Variants in PRPF31 observed in about 807,000 individuals in gnomAD.
The protein encoded by PRPF31 is U4/U6 small nuclear ribonucleoprotein Prp31.
In PRPF31, 12 loss-of-function variants were observed where a neutral mutation model predicts 60.4. The observed-to-expected ratio is 0.20, with a 90% CI of 0.13 to 0.32. The LOEUF (loss-of-function observed/expected upper bound fraction) is 0.32, where lower values mean the gene tolerates loss of function less well. Among genes scored for constraint, PRPF31 ranks in the 10% least tolerant of loss-of-function variants. The pLI, the probability that PRPF31 is intolerant of heterozygous loss-of-function variation, is 1.00. For missense variants in PRPF31, 431 were observed against 687.1 expected (o/e 0.63, Z 4.17); for synonymous variants, 287 against 287.9 (o/e 1.00, Z 0.03).
Position 54,129,060 on chromosome 19 carries a change from GAGGAGGACGCCTACC to G in PRPF31, c.1159_1173del (p.Ala387_Asp391del). The G allele has an allele frequency of 6.4e-7, 1 of 1,572,036 alleles. No homozygotes were observed. The highest frequency in any genetic ancestry group is 1.2e-5 in the South Asian group (1 of 85,664). ...GGGCGCCTCCTCTCCCCCCTAGATC[GAGGAGGACGCCTACC>G]AGGAGGACCTGGGATTCAGCCTGGG... On this transcript the variant is annotated inframe_deletion, in exon 12 of 14. Coordinates refer to ENST00000321030, the MANE Select transcript of PRPF31 (RefSeq NM_015629.4).
chr19:54,119,017 A>AC (rs1380535384), intron 3 of PRPF31, among the ~76,000 whole-genome samples: 1 of 152,098 alleles, frequency 6.6e-6, no homozygotes, highest in African/African-American at 2.4e-5. Flanking sequence ...GCAAATTGCT[A>AC]CCATGAATGG....
chr19:54,131,513 G>C lies in PRPF31; in HGVS notation c.*81G>C. On this transcript the variant is annotated 3_prime_UTR_variant, in exon 14 of 14. Coordinates refer to ENST00000321030, the MANE Select transcript of PRPF31 (RefSeq NM_015629.4). ...TTCTGAAGGGCTAGGATCGGGTTCTGGCAGGGAGAACCTGCCCTGCCACTG... is the reference window on the plus strand; with the variant it reads ...TTCTGAAGGGCTAGGATCGGGTTCTCGCAGGGAGAACCTGCCCTGCCACTG... The C allele has an allele frequency of 6.4e-7, 1 of 1,556,878 alleles. No homozygotes were observed. Among genetic ancestry groups the C allele is most frequent in the Non-Finnish European group, 8.7e-7 (1 of 1,147,856 alleles).
At chr19:54,127,987 G>A (rs886227646) in intron 9 of PRPF31, 86 bp from the exon 10 acceptor site, 109 of 1,535,294 alleles carry the variant, frequency 7.1e-5, no homozygotes, top group Non-Finnish European at 8.2e-5. Context: ...ACTAAGGCAC[G>A]TGGATACTCG....
intron 9 of PRPF31, among the ~76,000 whole-genome samples, chr19:54,126,989 A>G (rs1426698026): frequency 6.6e-6 from 1 of 152,148 alleles, no homozygotes; most frequent in Non-Finnish European, 1.5e-5. Context: ...GTGTGGTGGC[A>G]CGCACCTGTA....
At position 54,129,328 on chromosome 19, in the gene PRPF31, C is replaced by T; in HGVS notation, c.1332C>T (p.Arg444=). ...GCGGGAAGTCCACCATCCGCGACCG[C>T]TCCTCGGGCACGGCCTCCAGCGTGG... ...VYGGKSTIRD[R]SSGTASSVAF... Residue 444 remains arginine, a synonymous_variant, in exon 13 of 14, where the codon CGC becomes CGT. Transcript: ENST00000321030. 6.2e-7 allele frequency: 1 copy of T among 1,605,976 alleles called. No individual in the cohort carries two copies. Among genetic ancestry groups the T allele is most frequent in the South Asian group, 1.1e-5 (1 of 90,070 alleles).
At position 54,131,681 on chromosome 19, in the gene PRPF31, GAA is replaced by G; in HGVS notation, c.*252_*253del. On this transcript the variant is annotated 3_prime_UTR_variant, in exon 14 of 14. Transcript: ENST00000321030. ...TTTTAACTGAGAAAGGAGATTTTTT[GAA>G]AAGAGTACAATTAAAAGGACATTGT... is the stretch of plus-strand genomic sequence containing the variant. 1.7e-6 allele frequency: 1 copy of G among 596,706 alleles called. No individual in the cohort carries two copies. Among genetic ancestry groups the G allele is most frequent in the Non-Finnish European group, 3.0e-6 (1 of 336,350 alleles). The allele number at this position is 596,706 out of a possible 1,614,324, so 37.0% of individuals were successfully genotyped here.
At chr19:54,123,038 T>G (rs1173849351) in intron 5 of PRPF31, 9 of 436,860 alleles carry the variant, frequency 2.1e-5, no homozygotes, top group African/African-American at 1.6e-4. Flanking sequence ...AAGGAAGGGT[T>G]TCGGAAAAGA....
intron 9 of PRPF31, among the ~76,000 whole-genome samples, chr19:54,127,379 C>G (rs1417200051): frequency 1.3e-5 from 2 of 152,166 alleles, no homozygotes; most frequent in African/African-American, 4.8e-5. Flanking sequence ...GTCTTCATAT[C>G]TCCGCCTCTG....
intron 1 of PRPF31, among the ~76,000 whole-genome samples, chr19:54,117,966 A>G (rs2073691194): frequency 1.3e-5 from 2 of 152,220 alleles, no homozygotes; most frequent in South Asian, 4.1e-4. Flanking sequence ...ATTTCAAAGT[A>G]TGTTTTCAAG....
At chr19:54,124,010 G>C in intron 7 of PRPF31, 92 bp downstream of exon 7, 3 of 1,581,762 alleles carry the variant, frequency 1.9e-6, no homozygotes, top group Non-Finnish European at 1.7e-6. Context: ...TGGGGGCTTT[G>C]GCACCTGGAC....
chr19:54,127,607 C>A (rs2146441467), intron 9 of PRPF31, among the ~76,000 whole-genome samples: 1 of 152,330 alleles, frequency 6.6e-6, no homozygotes, highest in Middle Eastern at 3.4e-3. Flanking sequence ...TCTGTCCCCG[C>A]TGCAACAGGG....
Position 54,131,303 on chromosome 19 carries a change from C to T in PRPF31, c.1375-4C>T. 6.2e-7 allele frequency: 1 copy of T among 1,613,864 alleles called. No homozygotes were observed. Among genetic ancestry groups the T allele is most frequent in the East Asian group, 2.2e-5 (1 of 44,892 alleles). On this transcript the variant is annotated splice_region_variant and splice_polypyrimidine_tract_variant and intron_variant, in intron 13 of 13. Coordinates refer to ENST00000321030, the MANE Select transcript of PRPF31 (RefSeq NM_015629.4). ...CCATCATCCTCTCTCCCTCACCTGC[C>T]CAGGGCCTGGAGATTGTGAACCCAC... is the stretch of plus-strand genomic sequence containing the variant.
At chr19:54,127,591 C>G (rs983342810) in intron 9 of PRPF31, among the ~76,000 whole-genome samples, 1 of 152,220 alleles carries the variant, frequency 6.6e-6, no homozygotes, top group African/African-American at 2.4e-5. Flanking sequence ...GCCTTCCACA[C>G]CAGGATCTGT....
At chr19:54,129,560 C>T (rs905600123) in intron 13 of PRPF31, among the ~76,000 whole-genome samples, 190 bp downstream of exon 13, 1 of 148,072 alleles carries the variant, frequency 6.8e-6, no homozygotes, top group Non-Finnish European at 1.5e-5. Flanking sequence ...GAGAGCCCAG[C>T]GCTGAGCAGT....
At chr19:54,130,030 A>G (rs587753411) in intron 13 of PRPF31, among the ~76,000 whole-genome samples, 1 of 152,066 alleles carries the variant, frequency 6.6e-6, no homozygotes, top group Non-Finnish European at 1.5e-5. Flanking sequence ...ACAGCTCAGT[A>G]AGATGTCCAG....
intron 4 of PRPF31, chr19:54,122,258 A>G (rs2073810397): frequency 1.6e-6 from 1 of 627,986 alleles, no homozygotes; most frequent in East Asian, 2.7e-5. Context: ...CCCACCAGCA[A>G]GGCGCTTCTT....
intron 3 of PRPF31, 55 bp downstream of exon 3, chr19:54,118,688 C>T (rs2073712234): frequency 1.3e-6 from 2 of 1,559,826 alleles, no homozygotes; most frequent in East Asian, 2.2e-5. Context: ...TGCCAGGCCC[C>T]CTGGCTCCCT....
chr19:54,118,553 T>A lies in PRPF31; in HGVS notation c.178-20T>A. 6.2e-7 allele frequency: 1 copy of A among 1,614,082 alleles called. No homozygotes were observed. On this transcript the variant is annotated intron_variant, in intron 2 of 13. Transcript: ENST00000321030. Reference sequence around the variant, plus strand: ...TTTTTGAAGAGTGCTGGATTCTGACTGTCTTCTCCTTTCCTACAGTTTGCT... The same window carrying A: ...TTTTTGAAGAGTGCTGGATTCTGACAGTCTTCTCCTTTCCTACAGTTTGCT...
intron 8 of PRPF31, among the ~76,000 whole-genome samples, chr19:54,125,597 T>C (rs1419677727): frequency 6.6e-6 from 1 of 151,954 alleles, no homozygotes; most frequent in Non-Finnish European, 1.5e-5. Context: ...CTCACGGCCC[T>C]GTGCCCTGCC....
Sources: gnomAD v4.1 joint callset for allele counts (sites outside exome capture counted in the v4.1 genomes callset) on GRCh38, gnomAD v4.1.1 for gene constraint, MANE v1.5 for transcripts, NCBI Gene and HGNC (gene_info 2026-07-23, HGNC 2026-07-21) for gene names.